DPYD: variants seen among roughly 807,000 people sequenced by gnomAD.
The protein encoded by DPYD is dihydropyrimidine dehydrogenase, also known as dihydropyrimidine dehydrogenase [NADP(+)].
DPYD carries 109 observed loss-of-function variants against 116.2 expected under a neutral mutation model. That is an observed-to-expected ratio of 0.94 (90% CI 0.80 to 1.10). DPYD has a LOEUF of 1.10. DPYD is among the 50% of genes least tolerant of loss of function. The probability of loss-of-function intolerance (pLI) is 0.00; values close to 1 mark genes in which losing one functional copy is unlikely to be tolerated. For synonymous variants in DPYD, 440 were observed against 432.0 expected (o/e 1.02, Z -0.23); for missense variants, 1,302 against 1,254.5 (o/e 1.04, Z -0.57).
intron 15 of DPYD, among the ~76,000 whole-genome samples, chr1:97,375,518 G>A (rs368768767): frequency 1.8e-4 from 27 of 152,220 alleles, no homozygotes; most frequent in African/African-American, 5.5e-4. Flanking sequence ...TTCCTAATCC[G>A]ATTTTAAAGG....
intron 8 of DPYD, among the ~76,000 whole-genome samples, chr1:97,620,122 C>T (rs989123348): frequency 8.6e-5 from 13 of 151,544 alleles, no homozygotes; most frequent in South Asian, 2.1e-4. Flanking sequence ...AATCACTATT[C>T]CAATTGATAC....
chr1:97,877,569 G>T (rs1321069903), intron 2 of DPYD, among the ~76,000 whole-genome samples: 2 of 151,966 alleles, frequency 1.3e-5, no homozygotes, highest in Admixed American at 1.3e-4. Flanking sequence ...TAGTTGCAAA[G>T]AATCTGTTTT....
rs539619238 is a variant in DPYD, at chr1:97,362,916, C to G, written c.2058+10645G>C. ...GGGAAAGGACTTCATGTCTAAAACA[C>G]CAAAAGCAATGGCAACAGAAGGCAA... On this transcript the variant is annotated intron_variant, in intron 16 of 22. Coordinates refer to ENST00000370192, the MANE Select transcript of DPYD (RefSeq NM_000110.4). 1.2e-3 allele frequency among the ~76,000 whole-genome samples: 176 copies of G among 152,240 alleles called. 1 individual carries two copies. Among genetic ancestry groups the G allele is most frequent in the Admixed American group, 2.9e-3 (44 of 15,300 alleles).
At position 97,462,283 on chromosome 1, in the gene DPYD, C is replaced by G. The variant is rs1438713605; in HGVS notation, c.1741-12060G>C. On this transcript the variant is annotated intron_variant, in intron 13 of 22. Transcript: ENST00000370192. ...AAATGGATTTGTTAGTTAGTTCAAACCCAGAATTCTGAGATAATACACTTC... is the reference window on the plus strand; with the variant it reads ...AAATGGATTTGTTAGTTAGTTCAAAGCCAGAATTCTGAGATAATACACTTC... Among the ~76,000 whole-genome samples, 3 of 152,146 alleles carry G rather than the reference C, an allele frequency of 2.0e-5. No homozygotes were observed. In the East Asian group the frequency reaches 5.8e-4, roughly 29 times the overall value.
intron 19 of DPYD, among the ~76,000 whole-genome samples, chr1:97,198,445 A>G (rs1658966495): frequency 6.6e-6 from 1 of 152,234 alleles, no homozygotes; most frequent in African/African-American, 2.4e-5. Flanking sequence ...GACTAAAAAT[A>G]AAACTTAGGA....
At chr1:97,842,201 C>T (rs2101537424) in intron 2 of DPYD, among the ~76,000 whole-genome samples, 1 of 151,922 alleles carries the variant, frequency 6.6e-6, no homozygotes, top group East Asian at 1.9e-4. Context: ...TTTTAATCAA[C>T]TTTGGCGATA....
At position 97,199,676 on chromosome 1, in the gene DPYD, T is replaced by C. The variant is rs757783083; in HGVS notation, c.2443-6428A>G. Among the ~76,000 whole-genome samples the C allele has an allele frequency of 2.4e-4, 36 of 152,092 alleles. 1 individual carries two copies. The Middle Eastern group carries it at 0.014, about 57-fold the overall frequency. On this transcript the variant is annotated intron_variant, in intron 19 of 22. Coordinates refer to ENST00000370192, the MANE Select transcript of DPYD (RefSeq NM_000110.4). ...TGGTTTTGTTGTCAGAAGACTCAGGTCTGAGACCCAACTCTTGTCATCTGG... is the reference window on the plus strand; with the variant it reads ...TGGTTTTGTTGTCAGAAGACTCAGGCCTGAGACCCAACTCTTGTCATCTGG...
chr1:97,457,899 C>G (rs964139884), intron 13 of DPYD, among the ~76,000 whole-genome samples: 6 of 152,098 alleles, frequency 3.9e-5, no homozygotes, highest in Admixed American at 1.3e-4. Context: ...ATAAGTTTTA[C>G]AAGAAACAGA....
At chr1:97,559,168 A>T (rs1651955956) in intron 11 of DPYD, among the ~76,000 whole-genome samples, 1 of 152,146 alleles carries the variant, frequency 6.6e-6, no homozygotes, top group East Asian at 1.9e-4. Context: ...TATACTTCTC[A>T]GCAAACAAAA....
intron 4 of DPYD, among the ~76,000 whole-genome samples, chr1:97,729,148 C>A (rs998756244): frequency 6.6e-6 from 1 of 152,006 alleles, no homozygotes; most frequent in African/African-American, 2.4e-5. Flanking sequence ...TAGAAGATAA[C>A]GTTTTTATTG....
chr1:97,825,736 C>T (rs1026990339), intron 3 of DPYD, among the ~76,000 whole-genome samples: 2 of 151,358 alleles, frequency 1.3e-5, no homozygotes, highest in Non-Finnish European at 1.5e-5. Flanking sequence ...CTAACCTGCA[C>T]GTTGTGCACA....
chr1:97,495,673 T>A (rs1017547285), intron 13 of DPYD, among the ~76,000 whole-genome samples: 1 of 152,012 alleles, frequency 6.6e-6, no homozygotes, highest in Non-Finnish European at 1.5e-5. Context: ...AAGATTTTCT[T>A]TTACAGCTGG....
At chr1:97,394,256 G>C (rs532026388) in intron 14 of DPYD, 8 of 152,224 alleles carry the variant, frequency 5.3e-5, no homozygotes, top group Non-Finnish European at 8.8e-5. Flanking sequence ...TGTTCACTCT[G>C]ACGGTAGTTT....
chr1:97,666,803 G>C (rs372148429), intron 8 of DPYD, among the ~76,000 whole-genome samples: 3 of 152,182 alleles, frequency 2.0e-5, no homozygotes, highest in East Asian at 3.9e-4. Context: ...TGCTACCTAT[G>C]TTGTTGTTCT....
At chr1:97,227,331 C>CAAAAAAAAAAAAAAAAAAAAA (rs60992225) in intron 19 of DPYD, among the ~76,000 whole-genome samples, 16 of 26,370 alleles carry the variant, frequency 6.1e-4, no homozygotes, top group South Asian at 1.6e-3. Flanking sequence ...GACTCTATCT[C>CAAAAAAAAAAAAAAAAAAAAA]AAAAAAAAAA....
intron 20 of DPYD, among the ~76,000 whole-genome samples, chr1:97,167,505 T>C (rs1205970163): frequency 1.3e-5 from 2 of 152,138 alleles, no homozygotes; most frequent in Non-Finnish European, 2.9e-5. Context: ...TAGGATGCTT[T>C]CTATATTCTA....
chr1:97,247,909 T>C (rs1424522407), intron 18 of DPYD, among the ~76,000 whole-genome samples: 1 of 152,228 alleles, frequency 6.6e-6, no homozygotes, highest in Non-Finnish European at 1.5e-5. Flanking sequence ...CCAGATGGCT[T>C]CGCTGGTAAA....
intron 20 of DPYD, among the ~76,000 whole-genome samples, chr1:97,116,206 C>T (rs61788541): frequency 0.14 from 21,336 of 151,888 alleles, 1,705 homozygotes; most frequent in Admixed American, 0.17. Flanking sequence ...TAACTTAAAC[C>T]AATGTTTGCT....
At chr1:97,690,128 C>A (rs1045179582) in intron 7 of DPYD, among the ~76,000 whole-genome samples, 1 of 152,002 alleles carries the variant, frequency 6.6e-6, no homozygotes, top group East Asian at 1.9e-4. Flanking sequence ...CATATGTAAA[C>A]AAATATTTTT....
Sources: gnomAD v4.1 joint callset for allele counts (sites outside exome capture counted in the v4.1 genomes callset) on GRCh38, gnomAD v4.1.1 for gene constraint, MANE v1.5 for transcripts, NCBI Gene and HGNC (gene_info 2026-07-23, HGNC 2026-07-21) for gene names.